The following SMYD3 variants were observed in gnomAD, a reference collection of about 807,000 sequenced individuals.
SMYD3 encodes the protein SET and MYND domain containing 3, also known as histone-lysine N-methyltransferase SMYD3.
SMYD3 carries 36 observed loss-of-function variants against 57.7 expected under a neutral mutation model. The ratio of observed to expected loss-of-function variants is 0.62; its 90% CI spans 0.48 to 0.82. The LOEUF (loss-of-function observed/expected upper bound fraction) is 0.82. SMYD3 is among the 40% of genes least tolerant of loss of function. The probability of loss-of-function intolerance (pLI) is 0.00; values close to 1 mark genes in which losing one functional copy is unlikely to be tolerated. For synonymous variants in SMYD3, 211 were observed against 195.0 expected (o/e 1.08, Z -0.68); for missense variants, 515 against 538.8 (o/e 0.96, Z 0.44).
intron 2 of SMYD3, among the ~76,000 whole-genome samples, chr1:246,340,482 C>T (rs1343758766): frequency 6.6e-6 from 1 of 151,830 alleles, no homozygotes; most frequent in East Asian, 1.9e-4. Flanking sequence ...TAATACAAAC[C>T]ACACCAGTGC....
intron 1 of SMYD3, among the ~76,000 whole-genome samples, chr1:246,462,807 C>T (rs951867222): frequency 2.0e-5 from 3 of 151,542 alleles, no homozygotes; most frequent in East Asian, 3.9e-4. Flanking sequence ...CATTTTAGGT[C>T]GAAATGAGAT....
intron 5 of SMYD3, among the ~76,000 whole-genome samples, chr1:246,091,513 T>G (rs1122060): frequency 0.43 from 65,046 of 149,860 alleles, 17,695 homozygotes; most frequent in Non-Finnish European, 0.61. Flanking sequence ...AAAAAAGAAC[T>G]GAAGTCGGTT....
At chr1:246,381,634 G>A (rs773055032) in intron 1 of SMYD3, among the ~76,000 whole-genome samples, 15 of 152,188 alleles carry the variant, frequency 9.9e-5, no homozygotes, top group East Asian at 1.9e-4. Context: ...TCTTTATATC[G>A]CCATCCATGT....
At chr1:246,314,193 T>C (rs544355740) in intron 5 of SMYD3, among the ~76,000 whole-genome samples, 1 of 152,334 alleles carries the variant, frequency 6.6e-6, no homozygotes, top group African/African-American at 2.4e-5. Context: ...GATTAAATAA[T>C]TTACAGTTTT....
intron 5 of SMYD3, among the ~76,000 whole-genome samples, chr1:246,088,818 T>G (rs183501758): frequency 7.0e-6 from 1 of 143,718 alleles, no homozygotes; most frequent in African/African-American, 2.4e-5. Context: ...CAGCTTATAA[T>G]TTGTATAGGA....
intron 1 of SMYD3, among the ~76,000 whole-genome samples, chr1:246,394,670 GC>G (rs1476330267): frequency 2.0e-5 from 3 of 152,178 alleles, no homozygotes; most frequent in African/African-American, 4.8e-5. Flanking sequence ...TTATATGAGA[GC>G]CTCCCGAACT....
At chr1:245,771,530 G>A (rs2046336796) in intron 10 of SMYD3, among the ~76,000 whole-genome samples, 1 of 152,298 alleles carries the variant, frequency 6.6e-6, no homozygotes, top group African/African-American at 2.4e-5. Context: ...GTATATAACA[G>A]CCTTCCAATG....
intron 10 of SMYD3, among the ~76,000 whole-genome samples, chr1:245,830,076 T>G (rs576425428): frequency 6.6e-6 from 1 of 152,316 alleles, no homozygotes; most frequent in South Asian, 2.1e-4. Flanking sequence ...TAAAAGCCAC[T>G]GAGTAGTACA....
intron 5 of SMYD3, among the ~76,000 whole-genome samples, chr1:246,227,827 T>C (rs2063351170): frequency 6.6e-6 from 1 of 152,156 alleles, no homozygotes; most frequent in Non-Finnish European, 1.5e-5. Context: ...TACACATAAG[T>C]ATTCAAATAA....
At chr1:245,893,035 C>T (rs2053492211) in intron 8 of SMYD3, among the ~76,000 whole-genome samples, 1 of 152,114 alleles carries the variant, frequency 6.6e-6, no homozygotes, top group Non-Finnish European at 1.5e-5. Context: ...TAAGAAAACA[C>T]CCAATTTTTA....
intron 5 of SMYD3, among the ~76,000 whole-genome samples, chr1:245,951,568 C>CTCA (rs1553371888): frequency 2.1e-5 from 2 of 94,688 alleles, no homozygotes; most frequent in African/African-American, 4.2e-5. Context: ...GGCTCTCTCT[C>CTCA]AAAAAAAAAA....
chr1:245,917,511 C>T (rs1445848267), intron 7 of SMYD3, among the ~76,000 whole-genome samples: 1 of 152,150 alleles, frequency 6.6e-6, no homozygotes, highest in African/African-American at 2.4e-5. Flanking sequence ...GCTGGCCTCC[C>T]GTCTGGCTCC....
At chr1:245,862,266 T>C (rs1200593661) in intron 9 of SMYD3, among the ~76,000 whole-genome samples, 7 of 152,066 alleles carry the variant, frequency 4.6e-5, no homozygotes, top group Admixed American at 4.6e-4. Flanking sequence ...ATCATCTCTA[T>C]CATTTTATAA....
intron 5 of SMYD3, among the ~76,000 whole-genome samples, chr1:246,288,844 G>A (rs1258468022): frequency 1.3e-5 from 2 of 152,192 alleles, no homozygotes; most frequent in Non-Finnish European, 2.9e-5. Flanking sequence ...CAGGCACGGT[G>A]ACTCACGCCT....
chr1:246,462,120 C>T (rs1013782225), intron 1 of SMYD3, among the ~76,000 whole-genome samples: 1 of 152,116 alleles, frequency 6.6e-6, no homozygotes, highest in African/African-American at 2.4e-5. Context: ...AACACTTTTA[C>T]GTGTGTGGAG....
chr1:246,055,018 A>G (rs533588501), intron 5 of SMYD3, among the ~76,000 whole-genome samples: 1 of 152,090 alleles, frequency 6.6e-6, no homozygotes, highest in South Asian at 2.1e-4. Context: ...TACTAAAAAT[A>G]CAAAAAAATT....
intron 5 of SMYD3, among the ~76,000 whole-genome samples, chr1:245,982,943 C>T (rs915424500): frequency 1.3e-5 from 2 of 152,200 alleles, no homozygotes; most frequent in East Asian, 1.9e-4. Context: ...TCCAAGACTG[C>T]TGTCAGAAAC....
intron 5 of SMYD3, among the ~76,000 whole-genome samples, chr1:246,078,742 A>G (rs2787961): frequency 0.38 from 57,439 of 152,032 alleles, 13,913 homozygotes; most frequent in African/African-American, 0.68. Context: ...GAAGAAAAAC[A>G]CCTAGCTAAA....
intron 5 of SMYD3, among the ~76,000 whole-genome samples, chr1:246,137,813 C>T (rs931502773): frequency 6.6e-6 from 1 of 152,092 alleles, no homozygotes; most frequent in Non-Finnish European, 1.5e-5. Context: ...ATTTTAAAGT[C>T]ATCTAAGAAG....
Sources: allele counts gnomAD v4.1 joint callset (sites outside exome capture counted in the v4.1 genomes callset), GRCh38; gene constraint gnomAD v4.1.1; transcripts MANE v1.5; gene names NCBI Gene and HGNC (gene_info 2026-07-23, HGNC 2026-07-21).